The following SNX29 variants were observed in gnomAD, a reference collection of about 807,000 sequenced individuals.
SNX29 encodes the protein sorting nexin 29, also known as sorting nexin-29.
SNX29 carries 78 observed loss-of-function variants against 102.1 expected under a neutral mutation model. That is an observed-to-expected ratio of 0.76 (90% CI 0.64 to 0.92). The LOEUF (loss-of-function observed/expected upper bound fraction) is 0.92, where lower values mean the gene tolerates loss of function less well. Among genes scored for constraint, SNX29 ranks in the 40% least tolerant of loss-of-function variants. The probability of loss-of-function intolerance (pLI) is 0.00; values close to 1 mark genes in which losing one functional copy is unlikely to be tolerated. For synonymous variants in SNX29, 580 were observed against 414.5 expected, an observed-to-expected ratio of 1.40 and a Z score of -4.85; for missense variants, 1,280 against 1,061.7, an observed-to-expected ratio of 1.21 and a Z score of -2.86.
intron 10 of SNX29, among the ~76,000 whole-genome samples, chr16:12,071,698 A>AT (rs2051309562): frequency 6.6e-6 from 1 of 151,884 alleles, no homozygotes; most frequent in Admixed American, 6.6e-5. Context: ...TTTTTTTCCA[A>AT]TTTGTGAAGA....
In SNX29 at chr16:12,415,150, T is replaced by A. The variant is rs1303955366; in HGVS notation, c.2037+11621T>A. The stretch of plus-strand genomic sequence containing the variant: ...AGTCCGGGCAAAAATTCCAGCTTGC[T>A]TGTGTGCCCTGGGAGCAGAAAACCA... On this transcript the variant is annotated intron_variant, in intron 18 of 20. Coordinates refer to ENST00000566228, the MANE Select transcript of SNX29 (RefSeq NM_032167.5). Among the ~76,000 whole-genome samples the A allele has an allele frequency of 2.6e-5, 4 of 152,356 alleles. No individual in the cohort carries two copies. In the East Asian group the frequency reaches 7.7e-4, roughly 29 times the overall value.
intron 20 of SNX29, 74 bp downstream of exon 20, chr16:12,524,915 G>A (rs2076737551): frequency 6.4e-7 from 1 of 1,572,074 alleles, no homozygotes; most frequent in Non-Finnish European, 8.7e-7. Context: ...GGAAGGTCAG[G>A]GAGCACAGCG....
intron 20 of SNX29, among the ~76,000 whole-genome samples, chr16:12,548,143 G>A (rs1025270827): frequency 6.6e-5 from 10 of 152,200 alleles, no homozygotes; most frequent in African/African-American, 2.2e-4. Flanking sequence ...TTCTATCCCT[G>A]TTCATTCTTC....
At chr16:12,513,202 C>A (rs1190425621) in intron 19 of SNX29, among the ~76,000 whole-genome samples, 1 of 151,672 alleles carries the variant, frequency 6.6e-6, no homozygotes, top group Non-Finnish European at 1.5e-5. Flanking sequence ...CTCTCCCTTG[C>A]CCTGCCCTAC....
chr16:12,057,446 C>T (rs948703745), intron 8 of SNX29, among the ~76,000 whole-genome samples: 6 of 152,114 alleles, frequency 3.9e-5, no homozygotes, highest in African/African-American at 1.4e-4. Flanking sequence ...CAGCTGGAAG[C>T]AGTTGAGCTG....
At chr16:12,050,579 C>T (rs545764310) in intron 7 of SNX29, among the ~76,000 whole-genome samples, 1 of 152,108 alleles carries the variant, frequency 6.6e-6, no homozygotes, top group Non-Finnish European at 1.5e-5. Context: ...TCGGGTTCTA[C>T]TCATAGCCTC....
chr16:12,075,360 G>C (rs1703543), intron 10 of SNX29, among the ~76,000 whole-genome samples: 6,579 of 152,246 alleles, frequency 0.043, 467 homozygotes, highest in African/African-American at 0.15. Context: ...TGTCTTTTCT[G>C]TTTGTTAGTT....
chr16:12,347,133 A>G (rs2081837243), intron 15 of SNX29, among the ~76,000 whole-genome samples: 1 of 151,906 alleles, frequency 6.6e-6, no homozygotes, highest in African/African-American at 2.4e-5. Flanking sequence ...TGCAGAGGTG[A>G]TCAAGGGAAC....
At chr16:12,111,357 A>AC (rs1413262710) in intron 11 of SNX29, among the ~76,000 whole-genome samples, 1 of 152,000 alleles carries the variant, frequency 6.6e-6, no homozygotes, top group Non-Finnish European at 1.5e-5. Context: ...GCGTGATGTG[A>AC]CCCCTGCTGC....
In SNX29 at chr16:12,565,405, T is replaced by C. The variant is rs180895188; in HGVS notation, c.2319-3101T>C. ...TTCCGCAGGTGTCATCCACTCAACT[T>C]GTCCCAAATGAAGCCCATCCTCCCG... On this transcript the variant is annotated intron_variant, in intron 20 of 20. Transcript: ENST00000566228. Among the ~76,000 whole-genome samples the C allele has an allele frequency of 6.2e-4, 94 of 151,182 alleles. 2 individuals carry two copies. Among genetic ancestry groups the C allele is most frequent in the African/African-American group, 2.2e-3 (89 of 40,874 alleles).
intron 20 of SNX29, chr16:12,526,787 C>A: frequency 4.8e-6 from 2 of 420,292 alleles, no homozygotes; most frequent in Non-Finnish European, 4.5e-6. Flanking sequence ...CCCCCACCCC[C>A]TGCGGGGTCC....
At chr16:12,468,987 C>A (rs1033964811) in intron 18 of SNX29, among the ~76,000 whole-genome samples, 5 of 152,164 alleles carry the variant, frequency 3.3e-5, no homozygotes, top group Non-Finnish European at 5.9e-5. Context: ...ATGGAGTGAA[C>A]GTAATCTGTG....
intron 19 of SNX29, among the ~76,000 whole-genome samples, chr16:12,482,810 A>G (rs2088009891): frequency 6.6e-6 from 1 of 152,196 alleles, no homozygotes; most frequent in African/African-American, 2.4e-5. Context: ...ACAGTTTTAT[A>G]GTTGAAAGTG....
intron 11 of SNX29, among the ~76,000 whole-genome samples, chr16:12,089,148 GAGAAAGAGAA>G (rs1216588967): frequency 4.3e-5 from 6 of 139,270 alleles, no homozygotes; most frequent in East Asian, 2.2e-4. Flanking sequence ...AGAGAGAAAA[GAGAAAGAGAA>G]AGAAAGAAAG....
intron 16 of SNX29, chr16:12,372,718 T>G (rs1162736263): frequency 6.6e-6 from 1 of 152,172 alleles, no homozygotes; most frequent in Non-Finnish European, 1.5e-5. Flanking sequence ...ACGTTTGACT[T>G]GAGTTTTTAA....
At position 12,399,151 on chromosome 16, in the gene SNX29, A is replaced by G. The variant is rs546209195; in HGVS notation, c.1955+650A>G. 4.6e-5 allele frequency among the ~76,000 whole-genome samples: 7 copies of G among 152,280 alleles called. No individual in the cohort carries two copies. The South Asian group carries it at 8.3e-4, about 18-fold the overall frequency. ...TTGCACCCTCCGCCTACCGGGTTTA[A>G]GTGATTCTCCTGCCTCAGCCTTCCA... is the stretch of plus-strand genomic sequence containing the variant. On this transcript the variant is annotated intron_variant, in intron 17 of 20. Coordinates refer to ENST00000566228, the MANE Select transcript of SNX29 (RefSeq NM_032167.5).
chr16:11,989,338 A>G (rs1182618112), intron 1 of SNX29, among the ~76,000 whole-genome samples: 4 of 152,240 alleles, frequency 2.6e-5, no homozygotes, highest in African/African-American at 4.8e-5. Context: ...CTTAGACACC[A>G]TAAGCCCACA....
At chr16:12,566,833 A>G (rs1033915001) in intron 20 of SNX29, among the ~76,000 whole-genome samples, 6 of 152,260 alleles carry the variant, frequency 3.9e-5, no homozygotes, top group African/African-American at 1.2e-4. Flanking sequence ...GGCTTTGTTC[A>G]AGGTCAAATG....
At chr16:12,417,873 C>T (rs755861526) in intron 18 of SNX29, among the ~76,000 whole-genome samples, 16 of 152,172 alleles carry the variant, frequency 1.1e-4, no homozygotes, top group East Asian at 3.9e-4. Flanking sequence ...GGAAGAGAAG[C>T]GCTGTATGCC....
Sources: gnomAD v4.1 joint callset for allele counts (sites outside exome capture counted in the v4.1 genomes callset) on GRCh38, gnomAD v4.1.1 for gene constraint, MANE v1.5 for transcripts, NCBI Gene and HGNC (gene_info 2026-07-23, HGNC 2026-07-21) for gene names.